The following LDLRAD4 variants were observed in gnomAD, a reference collection of about 807,000 sequenced individuals.
LDLRAD4 encodes low-density lipoprotein receptor class A domain-containing protein 4.
Under a neutral mutation model 17.0 loss-of-function variants are expected in LDLRAD4, and 5 were observed. The ratio of observed to expected loss-of-function variants is 0.29; its 90% CI spans 0.15 to 0.62. The LOEUF is 0.62. Ranked by LOEUF, LDLRAD4 falls within the 20% of genes least tolerant of loss-of-function variation. LDLRAD4 has a pLI of 0.84. For missense variants in LDLRAD4, 340 were observed against 424.7 expected (o/e 0.80, Z 1.75); for synonymous variants, 168 against 171.8 (o/e 0.98, Z 0.17).
At chr18:13,350,237 A>G (rs900407636) in intron 1 of LDLRAD4, among the ~76,000 whole-genome samples, 2 of 152,184 alleles carry the variant, frequency 1.3e-5, no homozygotes, top group African/African-American at 4.8e-5. Context: ...ACTAATTTAC[A>G]TTTCTACCAT....
intron 1 of LDLRAD4, among the ~76,000 whole-genome samples, chr18:13,377,838 C>T (rs2085038696): frequency 6.6e-6 from 1 of 152,200 alleles, no homozygotes; most frequent in Non-Finnish European, 1.5e-5. Context: ...CACAGAGTCT[C>T]CCCTGGAAAT....
chr18:13,607,281 A>G (rs2095234329), intron 3 of LDLRAD4, among the ~76,000 whole-genome samples: 2 of 152,218 alleles, frequency 1.3e-5, no homozygotes, highest in South Asian at 4.1e-4. Context: ...GGTAACAAGA[A>G]AAATGTGCCT....
At chr18:13,330,730 G>A (rs1009695501) in intron 1 of LDLRAD4, among the ~76,000 whole-genome samples, 5 of 152,148 alleles carry the variant, frequency 3.3e-5, no homozygotes, top group African/African-American at 9.7e-5. Context: ...GTGGCAGCCC[G>A]TAGATAGCTC....
intron 3 of LDLRAD4, chr18:13,459,930 C>A (rs1032429757): frequency 6.5e-6 from 1 of 153,972 alleles, no homozygotes; most frequent in Non-Finnish European, 1.5e-5. Context: ...GTAAGCATAC[C>A]CTAAGTTTCC....
intron 3 of LDLRAD4, among the ~76,000 whole-genome samples, chr18:13,578,845 T>G (rs2094814697): frequency 7.3e-6 from 1 of 136,970 alleles, no homozygotes; most frequent in East Asian, 2.1e-4. Context: ...TTTTTTTTTT[T>G]TTTTTTTTTT....
chr18:13,436,540 C>T (rs2090669990), intron 2 of LDLRAD4, among the ~76,000 whole-genome samples: 2 of 152,194 alleles, frequency 1.3e-5, no homozygotes, highest in Non-Finnish European at 2.9e-5. Flanking sequence ...TTTAGCAACA[C>T]AGGGAGTACC....
chr18:13,542,118 A>G (rs1212859215), intron 3 of LDLRAD4, among the ~76,000 whole-genome samples: 2 of 152,248 alleles, frequency 1.3e-5, no homozygotes, highest in Non-Finnish European at 2.9e-5. Flanking sequence ...TTCTACTTAT[A>G]TAACAGCAAT....
At chr18:13,283,026 C>T (rs1246820229) in intron 1 of LDLRAD4, among the ~76,000 whole-genome samples, 4 of 152,230 alleles carry the variant, frequency 2.6e-5, no homozygotes, top group Admixed American at 2.6e-4. Context: ...ATGTTGGCCC[C>T]TTTCAGCCAC....
At chr18:13,419,090 A>G (rs16940486) in intron 2 of LDLRAD4, among the ~76,000 whole-genome samples, 1,541 of 152,308 alleles carry the variant, frequency 0.01, 32 homozygotes, top group African/African-American at 0.034. Context: ...TTATAGAATC[A>G]TTAAGGGTCT....
rs144800296 is a variant in LDLRAD4 at position 13,222,078 on chromosome 18, C to T, written c.-467+3090C>T. ...GTCTGGCTCAATCCCCATGAGCAGA[C>T]GGGGGTGGGGTCTGGATGTCCACAC... On this transcript the variant is annotated intron_variant, in intron 1 of 5. Transcript: ENST00000399848. 1.1e-3 allele frequency among the ~76,000 whole-genome samples: 175 copies of T among 152,278 alleles called. 1 individual carries two copies. The East Asian group carries it at 0.027, about 23-fold the overall frequency.
chr18:13,560,002 C>T (rs2094524346), intron 3 of LDLRAD4, among the ~76,000 whole-genome samples: 1 of 152,174 alleles, frequency 6.6e-6, no homozygotes, highest in African/African-American at 2.4e-5. Flanking sequence ...ACAAGGAGTC[C>T]CTAATCCAGG....
At chr18:13,516,586 A>G (rs1337723808) in intron 3 of LDLRAD4, among the ~76,000 whole-genome samples, 1 of 152,238 alleles carries the variant, frequency 6.6e-6, no homozygotes, top group Non-Finnish European at 1.5e-5. Context: ...TTATTTCTAA[A>G]AACCAACAGA....
At position 13,468,195 on chromosome 18, in the gene LDLRAD4, A is replaced by G. The variant is rs2092677681; in HGVS notation, c.181+29811A>G. Among the ~76,000 whole-genome samples the G allele has an allele frequency of 2.6e-5, 4 of 152,226 alleles. No homozygotes were observed. In the South Asian group the frequency reaches 8.3e-4, roughly 32 times the overall value. On this transcript the variant is annotated intron_variant, in intron 3 of 5. Coordinates refer to ENST00000359446, the Ensembl canonical transcript of LDLRAD4. The stretch of plus-strand genomic sequence containing the variant: ...CATCCAAAGACATTATTAAGAGAGT[A>G]AAAAGACATCCTACAAAATGGGAGA...
rs543877742 is a variant in LDLRAD4 at position 13,641,840 on chromosome 18, G to A, written c.337-1519G>A. ...GTTTGCTGGTTTTTCGGGAAATAAG[G>A]CCACTGGGGACAGTCACTACGTTTT... On this transcript the variant is annotated intron_variant, in intron 4 of 5. Coordinates refer to ENST00000359446, the Ensembl canonical transcript of LDLRAD4. 9.2e-4 allele frequency: 908 copies of A among 985,600 alleles called. 2 individuals are homozygous for A. Among genetic ancestry groups the A allele is most frequent in the Non-Finnish European group, 1.1e-3 (873 of 830,086 alleles). The allele number at this position is 985,600 out of a possible 1,614,324, so 61.1% of individuals were successfully genotyped here.
intron 3 of LDLRAD4, among the ~76,000 whole-genome samples, chr18:13,539,821 A>G (rs1808324043): frequency 6.6e-6 from 1 of 152,272 alleles, no homozygotes; most frequent in Admixed American, 6.5e-5. Flanking sequence ...CTTTCAAAAA[A>G]GAAACCCATA....
At position 13,255,193 on chromosome 18, in the gene LDLRAD4, CG is replaced by C. The variant is rs1757126706; in HGVS notation, c.-466-22911del. 7.2e-5 allele frequency among the ~76,000 whole-genome samples: 11 copies of C among 151,984 alleles called. No individual in the cohort carries two copies. In the South Asian group the frequency reaches 2.3e-3, roughly 31 times the overall value. On this transcript the variant is annotated intron_variant, in intron 1 of 5. Transcript: ENST00000399848. ...GGCACAGGGGCTGCAGACAGATGCC[CG>C]CCCCCCCCAGCCCCGGGATGCTCCA...
intron 1 of LDLRAD4, among the ~76,000 whole-genome samples, chr18:13,375,380 A>G (rs941222903): frequency 6.6e-5 from 10 of 152,226 alleles, no homozygotes; most frequent in African/African-American, 2.2e-4. Flanking sequence ...TTTATTGAAC[A>G]TAATAACATG....
intron 1 of LDLRAD4, among the ~76,000 whole-genome samples, chr18:13,365,345 CAT>C (rs1331344337): frequency 9.2e-5 from 14 of 152,288 alleles, no homozygotes; most frequent in East Asian, 1.9e-4. Context: ...TGGCTTCCCT[CAT>C]GTGTATTCAT....
intron 3 of LDLRAD4, chr18:13,612,843 T>C: frequency 2.5e-6 from 4 of 1,594,728 alleles, no homozygotes; most frequent in Non-Finnish European, 3.4e-6. Flanking sequence ...TTCTTGGAGT[T>C]TGGTCTGAGG....
Sources: allele counts gnomAD v4.1 joint callset (sites outside exome capture counted in the v4.1 genomes callset), GRCh38; gene constraint gnomAD v4.1.1; transcripts MANE v1.5; gene names NCBI Gene and HGNC (gene_info 2026-07-23, HGNC 2026-07-21).